The following ZNF789 variants were observed in gnomAD, a reference collection of about 807,000 sequenced individuals.
The protein encoded by ZNF789 is zinc finger protein 789.
In ZNF789, 11 loss-of-function variants were observed where a neutral mutation model predicts 15.6. That is an observed-to-expected ratio of 0.70 (90% CI 0.44 to 1.16). The LOEUF is 1.16. Ranked by LOEUF, ZNF789 falls within the 50% of genes most tolerant of loss-of-function variation. The pLI is 0.00. For missense variants in ZNF789, 461 were observed against 512.6 expected, an observed-to-expected ratio of 0.90 and a Z score of 0.97; for synonymous variants, 159 against 176.0, an observed-to-expected ratio of 0.90 and a Z score of 0.76.
rs1260022616 is a variant in ZNF789, at chr7:99,487,387, G to A, written c.1177G>A (p.Gly393Arg). The change falls in exon 5 of 5, where the codon GGA (glycine) becomes AGA (arginine). Residue 393 changes from glycine (G) to arginine (R), a missense_variant. Transcript: ENST00000331410. ...TTTTCGACATCAGGTCATTCACACT[G>A]GAAGCCAACCCTACCAATGTGTCAT... ...NLFRHQVIHT[G>R]SQPYQCVICG... The A allele has an allele frequency of 1.9e-6, 3 of 1,614,090 alleles. No individual in the cohort carries two copies. Among genetic ancestry groups the A allele is most frequent in the Non-Finnish European group, 2.5e-6 (3 of 1,180,042 alleles).
chr7:99,473,812 G>C (rs1256061208), intron 1 of ZNF789, among the ~76,000 whole-genome samples: 1 of 151,992 alleles, frequency 6.6e-6, no homozygotes, highest in African/African-American at 2.4e-5. Flanking sequence ...GTGGAGACTG[G>C]GTTTCACTAT....
At chr7:99,483,446 A>G (rs550737908) in intron 3 of ZNF789, among the ~76,000 whole-genome samples, 6 of 152,208 alleles carry the variant, frequency 3.9e-5, no homozygotes, top group East Asian at 3.9e-4. Context: ...CCTGGCCAAC[A>G]TGGTGAAACC....
intron 3 of ZNF789, 157 bp downstream of exon 3, chr7:99,479,944 C>A: frequency 1.0e-6 from 1 of 970,626 alleles, no homozygotes; most frequent in Non-Finnish European, 1.5e-6. Context: ...GACATCACCA[C>A]AGTGAAACCT....
chr7:99,476,377 C>T (rs141232056), intron 1 of ZNF789, 26 bp from the exon 2 acceptor site: 53,351 of 1,554,436 alleles, frequency 0.034, 1,057 homozygotes, highest in Non-Finnish European at 0.039. Context: ...TTAGGGCTGG[C>T]CTTACTGACT....
intron 4 of ZNF789, chr7:99,485,336 T>C: frequency 1.1e-6 from 1 of 935,522 alleles, no homozygotes; most frequent in Non-Finnish European, 1.7e-6. Context: ...AGCCCTGGCC[T>C]GCATCCACTA....
intron 3 of ZNF789, chr7:99,483,683 G>A: frequency 1.3e-6 from 1 of 780,722 alleles, no homozygotes; most frequent in South Asian, 1.3e-5. Flanking sequence ...TAATACTTAT[G>A]CCTTCATCGC....
chr7:99,486,812 A>G lies in ZNF789; in HGVS notation c.602A>G (p.Tyr201Cys). ...HERILTRAKS[Y>C]ECSECGKVIR... is the part of the protein sequence containing the mutation. ...CGAATTCTCACAAGAGCAAAGTCTT[A>G]TGAATGCAGTGAATGTGGAAAAGTC... The change falls in exon 5 of 5, where the codon TAT becomes TGT. Residue 201 changes from tyrosine to cysteine, a missense_variant. Transcript: ENST00000331410. 6.2e-7 allele frequency: 1 copy of G among 1,614,254 alleles called. No individual in the cohort carries two copies. Among genetic ancestry groups the G allele is most frequent in the African/African-American group, 1.3e-5 (1 of 75,066 alleles).
chr7:99,486,507 A>G lies in ZNF789; in HGVS notation c.297A>G (p.Leu99=). ...AAGCCAGACACAAGATGAAAAAGCT[A>G]ACTCCAAAACAGAAATTTTCTGAAG... ...GSEARHKMKK[L]TPKQKFSEDL... Residue 99 remains leucine (L), a synonymous_variant, in exon 5 of 5, where the codon CTA becomes CTG. Coordinates refer to ENST00000331410, the MANE Select transcript of ZNF789 (RefSeq NM_213603.3). The G allele has an allele frequency of 6.2e-7, 1 of 1,612,362 alleles. No individual in the cohort carries two copies. The highest frequency in any genetic ancestry group is 8.5e-7 in the Non-Finnish European group (1 of 1,179,210).
intron 3 of ZNF789, among the ~76,000 whole-genome samples, chr7:99,483,187 TGCCAGTGTACTCCA>T (rs1301066203): frequency 6.6e-6 from 1 of 152,030 alleles, no homozygotes; most frequent in African/African-American, 2.4e-5. Context: ...GCAGAGATGG[TGCCAGTGTACTCCA>T]GCCTGGATGA....
chr7:99,485,256 C>G (rs559850797), intron 4 of ZNF789: 5 of 1,525,136 alleles, frequency 3.3e-6, no homozygotes, highest in Non-Finnish European at 4.4e-6. Flanking sequence ...GCACTACTGA[C>G]GTTTTGGGCT....
At position 99,476,492 on chromosome 7, in the gene ZNF789, C is replaced by T; in HGVS notation, c.24+12C>T. On this transcript the variant is annotated intron_variant, in intron 2 of 4. Coordinates refer to ENST00000331410, the MANE Select transcript of ZNF789 (RefSeq NM_213603.3). The stretch of plus-strand genomic sequence containing the variant: ...CAGCCAGGGGGAAGGTGAGCTGTGC[C>T]TCCCCCTCTGCTTCATCAGCATAGT... 1 of 1,611,466 alleles carries T rather than the reference C, an allele frequency of 6.2e-7. No homozygotes were observed. Among genetic ancestry groups the T allele is most frequent in the Non-Finnish European group, 8.5e-7 (1 of 1,179,150 alleles).
chr7:99,476,598 A>G, intron 2 of ZNF789, 118 bp downstream of exon 2: 1 of 1,240,452 alleles, frequency 8.1e-7, no homozygotes, highest in African/African-American at 1.5e-5. Flanking sequence ...AGTGCAATGT[A>G]GAGAGCTTAG....
chr7:99,474,549 G>A lies in ZNF789; in HGVS notation c.-55+1493G>A, dbSNP rs1050815126. On this transcript the variant is annotated intron_variant, in intron 1 of 4. Transcript: ENST00000331410. ...GCGGAGCTTGCAGTGAGCCGAGATC[G>A]CGCCACTGCACTCCAGCCTGGGCGA... Among the ~76,000 whole-genome samples, 4 of 151,660 alleles carry A rather than the reference G, an allele frequency of 2.6e-5. No homozygotes were observed. In the East Asian group the frequency reaches 7.8e-4, roughly 30 times the overall value.
At chr7:99,482,281 T>C (rs1799680324) in intron 3 of ZNF789, 2 of 775,818 alleles carry the variant, frequency 2.6e-6, no homozygotes, top group Non-Finnish European at 2.4e-6. Context: ...GCCAAAGGTA[T>C]GAACATTGTT....
intron 2 of ZNF789, chr7:99,479,409 G>A: frequency 5.7e-6 from 2 of 350,246 alleles, no homozygotes; most frequent in Non-Finnish European, 1.0e-5. Context: ...AGACCAGAGG[G>A]CCTGAAAAGC....
At chr7:99,485,371 G>A (rs1799878420) in intron 4 of ZNF789, 3 of 725,892 alleles carry the variant, frequency 4.1e-6, no homozygotes, top group Non-Finnish European at 2.5e-6. Context: ...CTCCCCAGGT[G>A]TGACAACCAG....
intron 1 of ZNF789, among the ~76,000 whole-genome samples, chr7:99,473,558 C>A (rs1369779464): frequency 1.3e-5 from 2 of 152,160 alleles, no homozygotes. Context: ...TTCAGTTTAT[C>A]ATGCGGACGA....
In ZNF789 at chr7:99,479,701, G is replaced by A. The variant is rs1489266795; in HGVS notation, c.65G>A (p.Arg22Lys). ...SFEDVAMYFT[R>K]EEWGHLNWGQ... ...GAGGATGTGGCGATGTACTTCACCA[G>A]AGAGGAGTGGGGCCACCTCAACTGG... is the stretch of plus-strand genomic sequence containing the variant. The change falls in exon 3 of 5, where the codon AGA becomes AAA. Residue 22 changes from arginine to lysine, a missense_variant. Coordinates refer to ENST00000331410, the MANE Select transcript of ZNF789 (RefSeq NM_213603.3). 6.2e-7 allele frequency: 1 copy of A among 1,613,482 alleles called. No homozygotes were observed. The highest frequency in any genetic ancestry group is 1.7e-5 in the Admixed American group (1 of 59,812).
At chr7:99,473,107 G>C (rs1240098435) in intron 1 of ZNF789, 51 bp downstream of exon 1, 1 of 152,196 alleles carries the variant, frequency 6.6e-6, no homozygotes, top group East Asian at 1.9e-4. Flanking sequence ...GCGGGGGGTA[G>C]GCCACTGCGC....
Sources: allele counts gnomAD v4.1 joint callset (sites outside exome capture counted in the v4.1 genomes callset), GRCh38; gene constraint gnomAD v4.1.1; transcripts MANE v1.5; gene names NCBI Gene and HGNC (gene_info 2026-07-23, HGNC 2026-07-21).